CSMD3: variants seen among roughly 807,000 people sequenced by gnomAD.
CSMD3 encodes CUB and Sushi multiple domains 3, also known as CUB and sushi domain-containing protein 3.
CSMD3 carries 177 observed loss-of-function variants against 435.2 expected under a neutral mutation model. The observed-to-expected ratio is 0.41, with a 90% CI of 0.36 to 0.46. The LOEUF (loss-of-function observed/expected upper bound fraction) is 0.46, where lower values mean the gene tolerates loss of function less well. Among genes scored for constraint, CSMD3 ranks in the 20% least tolerant of loss-of-function variants. The pLI is 0.34. For synonymous variants in CSMD3, 1,656 were observed against 1,520.5 expected (o/e 1.09, Z -2.07); for missense variants, 4,265 against 4,504.6 (o/e 0.95, Z 1.52).
At chr8:113,054,198 C>T (rs913351118) in intron 5 of CSMD3, among the ~76,000 whole-genome samples, 12 of 152,114 alleles carry the variant, frequency 7.9e-5, no homozygotes, top group Admixed American at 3.3e-4. Context: ...TTTCTCTTTT[C>T]CCATTTTCCT....
intron 1 of CSMD3, chr8:113,377,092 G>A: frequency 2.3e-6 from 3 of 1,293,818 alleles, no homozygotes; most frequent in Non-Finnish European, 3.0e-6. Flanking sequence ...GCTGGCGCTG[G>A]ACTCCCCCAA....
At chr8:112,779,277 T>C (rs903854090) in intron 13 of CSMD3, among the ~76,000 whole-genome samples, 2 of 152,102 alleles carry the variant, frequency 1.3e-5, no homozygotes, top group East Asian at 3.9e-4. Flanking sequence ...GCAAACTATA[T>C]TATTATTTTA....
intron 9 of CSMD3, among the ~76,000 whole-genome samples, chr8:112,927,856 C>A (rs1188004443): frequency 6.6e-6 from 1 of 152,036 alleles, no homozygotes; most frequent in Non-Finnish European, 1.5e-5. Context: ...TATTTCTTTA[C>A]ACTGTTGGTT....
At chr8:112,416,353 T>G (rs981327306) in intron 32 of CSMD3, among the ~76,000 whole-genome samples, 1 of 152,184 alleles carries the variant, frequency 6.6e-6, no homozygotes, top group Non-Finnish European at 1.5e-5. Context: ...TCTACCATGA[T>G]TGTAAGTTTC....
intron 11 of CSMD3, among the ~76,000 whole-genome samples, chr8:112,832,916 T>C (rs2079917948): frequency 6.6e-6 from 1 of 152,204 alleles, no homozygotes; most frequent in Non-Finnish European, 1.5e-5. Context: ...ATTTAATAAA[T>C]AGCCCTTCTT....
At chr8:112,298,919 TG>T (rs1167020824) in intron 53 of CSMD3, among the ~76,000 whole-genome samples, 2 of 152,090 alleles carry the variant, frequency 1.3e-5, no homozygotes, top group Non-Finnish European at 2.9e-5. Flanking sequence ...TACATGAGCA[TG>T]CATAGCAGCT....
chr8:113,302,042 TGGCTTAA>T (rs2093772951), intron 2 of CSMD3, among the ~76,000 whole-genome samples: 1 of 151,334 alleles, frequency 6.6e-6, no homozygotes, highest in South Asian at 2.1e-4. Flanking sequence ...TATGGTTGCC[TGGCTTAA>T]GTCTTCTTAT....
intron 10 of CSMD3, among the ~76,000 whole-genome samples, chr8:112,907,215 A>G (rs1331836541): frequency 1.3e-5 from 2 of 151,526 alleles, no homozygotes; most frequent in Admixed American, 6.6e-5. Context: ...TAAGAAGGCC[A>G]AACATCTTAT....
chr8:113,321,711 G>A (rs2093950510), intron 1 of CSMD3, among the ~76,000 whole-genome samples: 1 of 152,122 alleles, frequency 6.6e-6, no homozygotes, highest in Non-Finnish European at 1.5e-5. Flanking sequence ...CATACCAAAT[G>A]ACTCTCCAAA....
chr8:112,686,633 C>A (rs143472272), intron 14 of CSMD3, among the ~76,000 whole-genome samples: 73 of 151,792 alleles, frequency 4.8e-4, no homozygotes, highest in Middle Eastern at 6.8e-3. Flanking sequence ...AATACAGGCA[C>A]GCCCACCACG....
chr8:112,537,147 T>A (rs1826187419), intron 27 of CSMD3, among the ~76,000 whole-genome samples: 1 of 151,862 alleles, frequency 6.6e-6, no homozygotes, highest in South Asian at 2.1e-4. Context: ...TGTGCACATG[T>A]ACCCTAAAAC....
chr8:113,376,393 T>A (rs2094383077), intron 1 of CSMD3, among the ~76,000 whole-genome samples: 1 of 152,154 alleles, frequency 6.6e-6, no homozygotes, highest in South Asian at 2.1e-4. Context: ...GTTTGTTTAG[T>A]AATTCATATT....
At chr8:113,074,359 C>G (rs762652119) in intron 5 of CSMD3, among the ~76,000 whole-genome samples, 6 of 151,816 alleles carry the variant, frequency 4.0e-5, no homozygotes, top group Non-Finnish European at 8.8e-5. Flanking sequence ...ACAGCTGCAC[C>G]TACTCTGAAA....
At chr8:113,342,616 C>T (rs949312457) in intron 1 of CSMD3, among the ~76,000 whole-genome samples, 1 of 152,106 alleles carries the variant, frequency 6.6e-6, no homozygotes, top group African/African-American at 2.4e-5. Context: ...TCTAGGCCTA[C>T]CCCTAAAGTC....
At chr8:112,268,239 G>A (rs1447877146) in intron 59 of CSMD3, among the ~76,000 whole-genome samples, 1 of 152,082 alleles carries the variant, frequency 6.6e-6, no homozygotes, top group Non-Finnish European at 1.5e-5. Flanking sequence ...AGTACATAAA[G>A]GAATCATTAA....
chr8:112,831,857 T>C (rs1328786284), intron 11 of CSMD3, among the ~76,000 whole-genome samples: 3 of 152,114 alleles, frequency 2.0e-5, no homozygotes, highest in South Asian at 2.1e-4. Flanking sequence ...TTCTGTTCCA[T>C]AGAGGGAGTT....
chr8:113,336,205 C>T (rs78560278), intron 1 of CSMD3, among the ~76,000 whole-genome samples: 2,080 of 151,704 alleles, frequency 0.014, 19 homozygotes, highest in Non-Finnish European at 0.02. Context: ...CTGTTGATCC[C>T]AATAATTGAG....
At chr8:112,930,861 T>A (rs1007460074) in intron 9 of CSMD3, among the ~76,000 whole-genome samples, 4 of 152,112 alleles carry the variant, frequency 2.6e-5, no homozygotes, top group Non-Finnish European at 5.9e-5. Flanking sequence ...TGACTACCTA[T>A]GTTTAATATT....
At chr8:113,191,533 T>C (rs867075614) in intron 3 of CSMD3, among the ~76,000 whole-genome samples, 7 of 151,402 alleles carry the variant, frequency 4.6e-5, no homozygotes, top group Non-Finnish European at 5.9e-5. Context: ...CTTAGGATAA[T>C]GGCCTCCAGC....
Sources: gnomAD v4.1 joint callset for allele counts (sites outside exome capture counted in the v4.1 genomes callset) on GRCh38, gnomAD v4.1.1 for gene constraint, MANE v1.5 for transcripts, NCBI Gene and HGNC (gene_info 2026-07-23, HGNC 2026-07-21) for gene names.